The following KRT25 variants were observed in gnomAD, a reference collection of about 807,000 sequenced individuals.
KRT25 encodes keratin, type I cytoskeletal 25.
A neutral mutation model predicts 47.6 loss-of-function variants in KRT25; 37 were observed. The ratio of observed to expected loss-of-function variants is 0.78; its 90% CI spans 0.60 to 1.02. The LOEUF is 1.02. Ranked by LOEUF, KRT25 falls within the 50% of genes least tolerant of loss-of-function variation. The pLI is 0.00. For synonymous variants in KRT25, 203 were observed against 210.2 expected (o/e 0.97, Z 0.30); for missense variants, 542 against 550.3 (o/e 0.98, Z 0.15).
intron 2 of KRT25, 102 bp downstream of exon 2, chr17:40,754,284 G>A: frequency 1.0e-6 from 1 of 990,066 alleles, no homozygotes; most frequent in South Asian, 1.4e-5. Flanking sequence ...CTGTTTATGT[G>A]AAATTCAAGT....
rs923237946 is a variant in KRT25 at position 40,750,484 on chromosome 17, G to A, written c.1071C>T (p.Thr357=). The A allele has an allele frequency of 2.5e-6, 4 of 1,613,962 alleles. No individual in the cohort carries two copies. Among genetic ancestry groups the A allele is most frequent in the Non-Finnish European group, 3.4e-6 (4 of 1,179,990 alleles). ...ACTCCAGCTTCTGGCCCTCGGTCTC[G>A]GTTCTGACCTGGTGCAGCTGCTCCT... ...ALEEQLHQVR[T]ETEGQKLEYE... is the part of the protein sequence containing the mutation. Residue 357 remains threonine, a synonymous_variant, in exon 6 of 8, where the codon ACC becomes ACT. Coordinates refer to ENST00000312150, the MANE Select transcript of KRT25 (RefSeq NM_181534.4).
rs77242879 is a variant in KRT25, at chr17:40,750,548, G to A, written c.1007C>T (p.Ala336Val). 8 of 1,614,218 alleles carry A rather than the reference G, an allele frequency of 5.0e-6. No homozygotes were observed. The highest frequency in any genetic ancestry group is 6.8e-6 in the Non-Finnish European group (8 of 1,180,044). ...SLTETESNYC[A>V]QLAQIQAQIG... ...CTGAGCCTGGATCTGCGCCAGCTGCGCACAGTAGTTGCTCTCGGTCTCTGT... is the reference window on the plus strand; with the variant it reads ...CTGAGCCTGGATCTGCGCCAGCTGCACACAGTAGTTGCTCTCGGTCTCTGT... The change falls in exon 6 of 8, where the codon GCG becomes GTG. Residue 336 changes from alanine (A) to valine (V), a missense_variant. Ala to Val is a moderately conservative substitution (Grantham distance 64). Transcript: ENST00000312150.
In KRT25 at chr17:40,748,150, A is replaced by G. The variant is rs10491126; in HGVS notation, c.*127T>C. ...GGGGAGATGCTGTCATTGATTGCCCAGAAAGAAAGTAACAGAAAGACAACA... is the reference window on the plus strand; with the variant it reads ...GGGGAGATGCTGTCATTGATTGCCCGGAAAGAAAGTAACAGAAAGACAACA... On this transcript the variant is annotated 3_prime_UTR_variant, in exon 8 of 8. Coordinates refer to ENST00000312150, the MANE Select transcript of KRT25 (RefSeq NM_181534.4). 0.031 allele frequency: 17,912 copies of G among 577,670 alleles called. 1,604 individuals carry two copies. Among genetic ancestry groups the G allele is most frequent in the Admixed American group, 0.21 (6,348 of 30,926 alleles). 35.8% of individuals were successfully genotyped at this position (577,670 alleles called of 1,614,324 possible).
intron 5 of KRT25, 27 bp downstream of exon 5, chr17:40,750,927 G>C: frequency 6.2e-7 from 1 of 1,611,354 alleles, no homozygotes; most frequent in Non-Finnish European, 8.5e-7. Flanking sequence ...CCTGGGAGAT[G>C]GTGAAAAAAA....
chr17:40,750,916 A>G (rs781226272), intron 5 of KRT25, 38 bp downstream of exon 5: 1 of 1,607,466 alleles, frequency 6.2e-7, no homozygotes, highest in South Asian at 1.1e-5. Context: ...TAACATGATG[A>G]CCTGGGAGAT....
Position 40,751,163 on chromosome 17 carries a change from A to T in KRT25, c.831+2T>A. Reference sequence around the variant, plus strand: ...AGGGACCGTTTTCTGGAGGAGAGTCACCTTCTCGTTGAACCAGGCCTCCGC... The same window carrying T: ...AGGGACCGTTTTCTGGAGGAGAGTCTCCTTCTCGTTGAACCAGGCCTCCGC... On this transcript the variant is annotated splice_donor_variant, in intron 4 of 7. Coordinates refer to ENST00000312150, the MANE Select transcript of KRT25 (RefSeq NM_181534.4). LOFTEE classifies it high-confidence loss of function. The T allele has an allele frequency of 6.2e-7, 1 of 1,613,998 alleles. No homozygotes were observed. Among genetic ancestry groups the T allele is most frequent in the African/African-American group, 1.3e-5 (1 of 74,996 alleles).
chr17:40,752,653 T>C (rs1445060300), intron 3 of KRT25, among the ~76,000 whole-genome samples: 1 of 152,234 alleles, frequency 6.6e-6, no homozygotes, highest in East Asian at 1.9e-4. Context: ...TATCTAGGGT[T>C]GCCTGTAAAT....
intron 7 of KRT25, 58 bp downstream of exon 7, chr17:40,749,200 A>C: frequency 1.5e-6 from 2 of 1,342,184 alleles, no homozygotes; most frequent in Non-Finnish European, 2.1e-6. Context: ...CCCCAAACCT[A>C]AATTAAAAGT....
intron 3 of KRT25, among the ~76,000 whole-genome samples, chr17:40,752,382 T>C (rs556039437): frequency 1.3e-5 from 2 of 152,174 alleles, no homozygotes; most frequent in Non-Finnish European, 2.9e-5. Context: ...CCCATCAGCT[T>C]ATGTCTGCTG....
intron 6 of KRT25, 49 bp downstream of exon 6, chr17:40,750,331 C>T: frequency 1.9e-6 from 3 of 1,583,302 alleles, no homozygotes; most frequent in Non-Finnish European, 2.6e-6. Flanking sequence ...ATCTAAGTTG[C>T]AAGCAGATTT....
chr17:40,754,071 T>C, intron 2 of KRT25, 55 bp from the exon 3 acceptor site: 1 of 1,524,002 alleles, frequency 6.6e-7, no homozygotes, highest in Non-Finnish European at 9.1e-7. Context: ...ACATAGTCAC[T>C]AGTCACTGAT....
chr17:40,754,101 TC>T, intron 2 of KRT25, 85 bp from the exon 3 acceptor site: 1 of 1,355,192 alleles, frequency 7.4e-7, no homozygotes, highest in Non-Finnish European at 1.0e-6. Context: ...ATGCTAGCAT[TC>T]TGGAATTTTG....
At chr17:40,753,205 T>C (rs2038066391) in intron 3 of KRT25, among the ~76,000 whole-genome samples, 1 of 152,158 alleles carries the variant, frequency 6.6e-6, no homozygotes, top group Non-Finnish European at 1.5e-5. Flanking sequence ...GGCCTTAAAG[T>C]ATATTTATTT....
chr17:40,751,533 A>AG (rs1304131616), intron 3 of KRT25, among the ~76,000 whole-genome samples: 16 of 152,212 alleles, frequency 1.1e-4, no homozygotes, highest in Admixed American at 2.0e-4. Context: ...AGCCTGTTTC[A>AG]TTCTGGGAGA....
In KRT25 at chr17:40,750,728, ACT is replaced by A. The variant is rs2038038395; in HGVS notation, c.958-133_958-132del. ...GATTTCACATGGACACATAGTTAAG[ACT>A]CTGTGATACTGCTTGAAAATGAGCA... On this transcript the variant is annotated intron_variant, in intron 5 of 7. Coordinates refer to ENST00000312150, the MANE Select transcript of KRT25 (RefSeq NM_181534.4). 6.0e-6 allele frequency: 8 copies of A among 1,343,960 alleles called. No individual in the cohort carries two copies. In the East Asian group the frequency reaches 9.6e-5, roughly 16 times the overall value. 83.3% of individuals were successfully genotyped at this position (1,343,960 alleles called of 1,614,324 possible).
rs867352715 is a variant in KRT25, at chr17:40,753,783, G to C, written c.669+77C>G. 52 of 1,067,348 alleles carry C rather than the reference G, an allele frequency of 4.9e-5. No individual in the cohort carries two copies. The Middle Eastern group carries it at 5.4e-3, about 111-fold the overall frequency. The allele number at this position is 1,067,348 out of a possible 1,614,324, so 66.1% of individuals were successfully genotyped here. On this transcript the variant is annotated intron_variant, in intron 3 of 7. Transcript: ENST00000312150. The stretch of plus-strand genomic sequence containing the variant: ...TCTTCAGCACCAACTTTTTATATGA[G>C]AGGTTATGTACATTATCTCCTGTCA...
At chr17:40,752,175 C>T (rs776449227) in intron 3 of KRT25, among the ~76,000 whole-genome samples, 20 of 152,118 alleles carry the variant, frequency 1.3e-4, no homozygotes, top group South Asian at 2.1e-4. Context: ...AATAAGACTC[C>T]GTGATACTGC....
intron 2 of KRT25, 93 bp downstream of exon 2, chr17:40,754,293 G>T: frequency 9.7e-7 from 1 of 1,033,562 alleles, no homozygotes; most frequent in Non-Finnish European, 1.5e-6. Flanking sequence ...TGAAATTCAA[G>T]TGTTTTATAA....
chr17:40,755,056 C>T lies in KRT25; in HGVS notation c.216G>A (p.Arg72=). 2 of 1,614,170 alleles carry T rather than the reference C, an allele frequency of 1.2e-6. No homozygotes were observed. Among genetic ancestry groups the T allele is most frequent in the Admixed American group, 1.7e-5 (1 of 60,016 alleles). Residue 72 remains arginine (R), a synonymous_variant, in exon 1 of 8, where the codon CGG becomes CGA. Coordinates refer to ENST00000312150, the MANE Select transcript of KRT25 (RefSeq NM_181534.4). ...NPCAGFTVNE[R]GLLSGNEKVT... ...CCTTCTCATTGCCAGAAAGGAGCCC[C>T]CGCTCATTCACAGTGAAGCCAGCAC...
Sources: allele counts gnomAD v4.1 joint callset (sites outside exome capture counted in the v4.1 genomes callset), GRCh38; gene constraint gnomAD v4.1.1; transcripts MANE v1.5; gene names NCBI Gene and HGNC (gene_info 2026-07-23, HGNC 2026-07-21).